UNC5D: variants seen among roughly 807,000 people sequenced by gnomAD.
The protein encoded by UNC5D is netrin receptor UNC5D.
In UNC5D, 39 loss-of-function variants were observed where a neutral mutation model predicts 105.4. That is an observed-to-expected ratio of 0.37 (90% CI 0.29 to 0.48). The LOEUF is 0.48. UNC5D is among the 20% of genes least tolerant of loss of function. The pLI is 0.98. For synonymous variants in UNC5D, 452 were observed against 450.4 expected, an observed-to-expected ratio of 1.00 and a Z score of -0.04; for missense variants, 991 against 1,202.4, an observed-to-expected ratio of 0.82 and a Z score of 2.60.
intron 16 of UNC5D, 141 bp downstream of exon 16, chr8:35,774,618 G>C: frequency 1.8e-6 from 2 of 1,133,536 alleles, no homozygotes; most frequent in Non-Finnish European, 2.4e-6. Flanking sequence ...TTCCCACTAA[G>C]TAAGTGGGGA....
chr8:35,477,399 T>A (rs984896550), intron 1 of UNC5D, among the ~76,000 whole-genome samples: 2 of 152,148 alleles, frequency 1.3e-5, no homozygotes, highest in African/African-American at 4.8e-5. Flanking sequence ...GGATATTTAC[T>A]GGCATAGTTT....
chr8:35,379,394 G>A (rs550860826), intron 1 of UNC5D, among the ~76,000 whole-genome samples: 17 of 152,280 alleles, frequency 1.1e-4, no homozygotes, highest in Admixed American at 3.3e-4. Context: ...AGCCCCGCAA[G>A]TTGGAGATCT....
rs116995219 is a variant in UNC5D at position 35,492,988 on chromosome 8, T to C, written c.104-56304T>C. 2.0e-4 allele frequency among the ~76,000 whole-genome samples: 30 copies of C among 152,192 alleles called. No homozygotes were observed. The East Asian group carries it at 5.8e-3, about 29-fold the overall frequency. ...GTTTAATCTTGGTTATCCCATGAAA[T>C]TCCTAGGGTGGGGATCGTAAGACAA... On this transcript the variant is annotated intron_variant, in intron 1 of 16. Transcript: ENST00000404895.
At chr8:35,666,013 G>C (rs1358481771) in intron 4 of UNC5D, among the ~76,000 whole-genome samples, 3 of 150,248 alleles carry the variant, frequency 2.0e-5, no homozygotes. Context: ...TGGATTATTA[G>C]GGATATTTCC....
In UNC5D at chr8:35,499,740, C is replaced by G. The variant is rs538421528; in HGVS notation, c.104-49552C>G. On this transcript the variant is annotated intron_variant, in intron 1 of 16. Transcript: ENST00000404895. Reference sequence around the variant, plus strand: ...TGTTTATAAGCAGCATGGAACAGACCTGTCTTCATTCTCAAGCAGGGCATT... The same window carrying G: ...TGTTTATAAGCAGCATGGAACAGACGTGTCTTCATTCTCAAGCAGGGCATT... Among the ~76,000 whole-genome samples the G allele has an allele frequency of 2.6e-5, 4 of 152,268 alleles. No individual in the cohort carries two copies. The South Asian group carries it at 8.3e-4, about 32-fold the overall frequency.
chr8:35,315,231 C>T (rs184815479), intron 1 of UNC5D, among the ~76,000 whole-genome samples: 1 of 152,220 alleles, frequency 6.6e-6, no homozygotes, highest in Non-Finnish European at 1.5e-5. Context: ...TAAAAAAAAT[C>T]CAACCCCATA....
intron 1 of UNC5D, among the ~76,000 whole-genome samples, chr8:35,260,091 G>C (rs151323401): frequency 5.4e-4 from 82 of 152,180 alleles, no homozygotes; most frequent in African/African-American, 2.0e-3. Flanking sequence ...TGAAATCAAC[G>C]CACCATCAGG....
At chr8:35,304,115 G>A (rs1808164481) in intron 1 of UNC5D, among the ~76,000 whole-genome samples, 1 of 151,734 alleles carries the variant, frequency 6.6e-6, no homozygotes, top group Admixed American at 6.6e-5. Context: ...CCCTGGACTT[G>A]GTTTTTTTTT....
Position 35,408,934 on chromosome 8 carries a change from A to G in UNC5D, c.104-140358A>G, listed in dbSNP as rs112279336. On this transcript the variant is annotated intron_variant, in intron 1 of 16. Transcript: ENST00000404895. Reference sequence around the variant, plus strand: ...TTATTTCTCCTAAATCTCCCTCGTGATTTGGAAAACACTCCATTCCTAGCT... The same window carrying G: ...TTATTTCTCCTAAATCTCCCTCGTGGTTTGGAAAACACTCCATTCCTAGCT... 9.2e-3 allele frequency among the ~76,000 whole-genome samples: 1,407 copies of G among 152,136 alleles called. 31 individuals carry two copies. The highest frequency in any genetic ancestry group is 0.032 in the African/African-American group (1,343 of 41,532).
At chr8:35,295,464 T>C (rs2128865918) in intron 1 of UNC5D, among the ~76,000 whole-genome samples, 1 of 152,310 alleles carries the variant, frequency 6.6e-6, no homozygotes, top group South Asian at 2.1e-4. Flanking sequence ...CTCACACAGC[T>C]CAGGCCTGTG....
At chr8:35,463,519 A>G (rs1385923348) in intron 1 of UNC5D, among the ~76,000 whole-genome samples, 3 of 152,036 alleles carry the variant, frequency 2.0e-5, no homozygotes, top group African/African-American at 7.2e-5. Context: ...TTCATCTAAA[A>G]TGATAAGACT....
At chr8:35,427,418 G>C (rs1052057831) in intron 1 of UNC5D, among the ~76,000 whole-genome samples, 1 of 152,198 alleles carries the variant, frequency 6.6e-6, no homozygotes, top group African/African-American at 2.4e-5. Context: ...GAGATTTTCA[G>C]ACTGCCGCTG....
chr8:35,260,382 A>G (rs1223184501), intron 1 of UNC5D, among the ~76,000 whole-genome samples: 2 of 152,216 alleles, frequency 1.3e-5, no homozygotes, highest in African/African-American at 4.8e-5. Context: ...GCAATGCTCA[A>G]TTCCGAGGTG....
At chr8:35,425,550 G>A (rs928883736) in intron 1 of UNC5D, among the ~76,000 whole-genome samples, 3 of 152,180 alleles carry the variant, frequency 2.0e-5, no homozygotes, top group South Asian at 2.1e-4. Flanking sequence ...CGTGAGTTAA[G>A]TAAGTGTTTA....
intron 1 of UNC5D, among the ~76,000 whole-genome samples, chr8:35,326,421 G>A (rs966294983): frequency 3.3e-5 from 5 of 152,166 alleles, no homozygotes; most frequent in African/African-American, 7.2e-5. Context: ...TAAAGAAGCC[G>A]AAAATTCACC....
At chr8:35,547,691 C>T (rs1232675183) in intron 1 of UNC5D, among the ~76,000 whole-genome samples, 2 of 152,192 alleles carry the variant, frequency 1.3e-5, no homozygotes, top group Non-Finnish European at 2.9e-5. Context: ...GTAAGAGGCT[C>T]TGGTCACAAC....
intron 7 of UNC5D, among the ~76,000 whole-genome samples, chr8:35,697,782 T>C (rs1826893601): frequency 6.6e-6 from 1 of 152,134 alleles, no homozygotes; most frequent in South Asian, 2.1e-4. Context: ...GGTAATTTGG[T>C]CTGTAATGTT....
chr8:35,442,904 T>TCTCTCACACA (rs1246705327), intron 1 of UNC5D, among the ~76,000 whole-genome samples: 22 of 141,358 alleles, frequency 1.6e-4, no homozygotes, highest in African/African-American at 6.0e-4. Context: ...TCTCTCTCTC[T>TCTCTCACACA]CACACACACA....
At chr8:35,675,093 A>C (rs1825121069) in intron 4 of UNC5D, among the ~76,000 whole-genome samples, 1 of 152,196 alleles carries the variant, frequency 6.6e-6, no homozygotes, top group Non-Finnish European at 1.5e-5. Context: ...ATCTTAAGTG[A>C]ATATGTGAAA....
Sources: allele counts gnomAD v4.1 joint callset (sites outside exome capture counted in the v4.1 genomes callset), GRCh38; gene constraint gnomAD v4.1.1; transcripts MANE v1.5; gene names NCBI Gene and HGNC (gene_info 2026-07-23, HGNC 2026-07-21).